DNAH11: variants seen among roughly 807,000 people sequenced by gnomAD.
DNAH11 encodes the protein dynein axonemal heavy chain 11.
Under a neutral mutation model 526.0 loss-of-function variants are expected in DNAH11, and 442 were observed. That is an observed-to-expected ratio of 0.84 (90% CI 0.78 to 0.91). DNAH11 has a LOEUF of 0.91. DNAH11 is among the 40% of genes least tolerant of loss of function. DNAH11 has a pLI of 0.00. For synonymous variants in DNAH11, 2,461 were observed against 1,935.9 expected (o/e 1.27, Z -7.12); for missense variants, 6,989 against 5,448.7 (o/e 1.28, Z -8.90).
chr7:21,588,340 A>C, intron 10 of DNAH11, 139 bp downstream of exon 10: 12 of 1,328,640 alleles, frequency 9.0e-6, no homozygotes, highest in Non-Finnish European at 1.2e-5. Flanking sequence ...TGGTTTCCTC[A>C]TGGAGATGGT....
chr7:21,700,523 A>G (rs1784011581), intron 36 of DNAH11, among the ~76,000 whole-genome samples: 1 of 152,140 alleles, frequency 6.6e-6, no homozygotes, highest in African/African-American at 2.4e-5. Flanking sequence ...TTTTATTGTT[A>G]CTGCAATAAC....
Position 21,741,843 on chromosome 7 carries a change from G to C in DNAH11, c.7915-84G>C, listed in dbSNP as rs966230575. On this transcript the variant is annotated intron_variant, in intron 48 of 81. Transcript: ENST00000409508. ...CTACATGGTAATGGGCCTGGATACA[G>C]GGAGGAGTGAAAAAAAATCAGGTCT... The C allele has an allele frequency of 6.8e-6, 10 of 1,474,064 alleles. No individual in the cohort carries two copies. In the African/African-American group the frequency reaches 8.3e-5, roughly 12 times the overall value. The allele number at this position is 1,474,064 out of a possible 1,614,324, so 91.3% of individuals were successfully genotyped here.
chr7:21,714,116 G>A (rs571415164), intron 42 of DNAH11, among the ~76,000 whole-genome samples: 3 of 152,316 alleles, frequency 2.0e-5, no homozygotes, highest in East Asian at 3.9e-4. Flanking sequence ...GTCCTATCCT[G>A]TGGAGATTTG....
chr7:21,779,133 G>C, intron 57 of DNAH11, 29 bp downstream of exon 57: 1 of 1,594,908 alleles, frequency 6.3e-7, no homozygotes, highest in South Asian at 1.1e-5. Context: ...TTTAGAGTGC[G>C]GAGCTATATT....
chr7:21,808,081 A>G, intron 63 of DNAH11, 32 bp downstream of exon 63: 1 of 1,372,864 alleles, frequency 7.3e-7, no homozygotes, highest in Non-Finnish European at 9.6e-7. Flanking sequence ...GTCAGCAGGT[A>G]GAAAGATCAC....
intron 75 of DNAH11, 139 bp downstream of exon 75, chr7:21,881,032 G>A (rs1783906182): frequency 2.5e-6 from 2 of 804,908 alleles, no homozygotes; most frequent in Non-Finnish European, 3.7e-6. Flanking sequence ...CTTCTGCCAA[G>A]TGTGAAAATA....
chr7:21,824,555 A>G (rs908624509), intron 65 of DNAH11, among the ~76,000 whole-genome samples: 1 of 152,232 alleles, frequency 6.6e-6, no homozygotes, highest in African/African-American at 2.4e-5. Context: ...TAAAAGATCT[A>G]AATAGACATT....
At chr7:21,726,733 C>T (rs1406891881) in intron 45 of DNAH11, among the ~76,000 whole-genome samples, 7 of 149,050 alleles carry the variant, frequency 4.7e-5, no homozygotes, top group African/African-American at 1.5e-4. Context: ...TGGTGGCGGG[C>T]GCCTGTAGTC....
chr7:21,865,611 T>C (rs1305682085), intron 70 of DNAH11, among the ~76,000 whole-genome samples: 2 of 152,148 alleles, frequency 1.3e-5, no homozygotes, highest in African/African-American at 4.8e-5. Flanking sequence ...CAGAGAAACA[T>C]AGTCCCTCCC....
chr7:21,776,891 G>C (rs1337239359), intron 56 of DNAH11, among the ~76,000 whole-genome samples: 8 of 151,952 alleles, frequency 5.3e-5, no homozygotes, highest in Admixed American at 6.6e-5. Context: ...AAGTGGCATT[G>C]GTACAATCCA....
intron 62 of DNAH11, among the ~76,000 whole-genome samples, chr7:21,807,565 G>T (rs1046648769): frequency 2.6e-5 from 4 of 152,104 alleles, no homozygotes; most frequent in Non-Finnish European, 5.9e-5. Flanking sequence ...ATTCCCAGAG[G>T]GACAGGGGAG....
intron 48 of DNAH11, 29 bp downstream of exon 48, chr7:21,739,702 C>G (rs1172934064): frequency 1.3e-6 from 2 of 1,536,656 alleles, no homozygotes; most frequent in East Asian, 2.2e-5. Flanking sequence ...CTCTCAAAAA[C>G]TGTAGGTCTG....
chr7:21,786,916 C>T, intron 59 of DNAH11, 149 bp downstream of exon 59: 3 of 1,235,882 alleles, frequency 2.4e-6, no homozygotes, highest in South Asian at 1.8e-5. Flanking sequence ...GTTCTCTAGA[C>T]TTACAGCTTT....
At chr7:21,888,415 T>C (rs550528890) in intron 76 of DNAH11, among the ~76,000 whole-genome samples, 2 of 152,210 alleles carry the variant, frequency 1.3e-5, no homozygotes, top group South Asian at 2.1e-4. Flanking sequence ...GAGTCCAACA[T>C]AGTGGGCTGG....
chr7:21,661,312 T>C (rs1342919840), intron 30 of DNAH11, among the ~76,000 whole-genome samples: 2 of 152,200 alleles, frequency 1.3e-5, no homozygotes, highest in African/African-American at 4.8e-5. Context: ...GTGAATTAAA[T>C]TCCCTTCTTT....
chr7:21,882,622 C>G (rs1207917819), intron 75 of DNAH11, among the ~76,000 whole-genome samples: 1 of 152,056 alleles, frequency 6.6e-6, no homozygotes, highest in Non-Finnish European at 1.5e-5. Flanking sequence ...ATGGGGAAAC[C>G]CAGTCTCCAT....
intron 27 of DNAH11, among the ~76,000 whole-genome samples, chr7:21,638,347 G>C (rs186105265): frequency 6.6e-6 from 1 of 152,040 alleles, no homozygotes; most frequent in East Asian, 1.9e-4. Context: ...TTTTGGTAAC[G>C]AAAAGGGCGA....
intron 25 of DNAH11, among the ~76,000 whole-genome samples, chr7:21,621,204 A>G (rs1562707330): frequency 6.6e-6 from 1 of 152,180 alleles, no homozygotes; most frequent in Non-Finnish European, 1.5e-5. Context: ...CTCTATGCAA[A>G]TAAACTAGAA....
chr7:21,577,665 C>T (rs1008478179), intron 8 of DNAH11, among the ~76,000 whole-genome samples: 4 of 152,182 alleles, frequency 2.6e-5, no homozygotes, highest in East Asian at 3.9e-4. Context: ...GAGTAAATGC[C>T]GAGTGGAGAA....
Sources: allele counts gnomAD v4.1 joint callset (sites outside exome capture counted in the v4.1 genomes callset), GRCh38; gene constraint gnomAD v4.1.1; transcripts MANE v1.5; gene names NCBI Gene and HGNC (gene_info 2026-07-23, HGNC 2026-07-21).